The following SRSF3 variants were observed in gnomAD, a reference collection of about 807,000 sequenced individuals.
The protein encoded by SRSF3 is serine and arginine rich splicing factor 3.
For missense variants in SRSF3, 58 were observed against 217.1 expected, an observed-to-expected ratio of 0.27 and a Z score of 4.61; for synonymous variants, 87 against 73.6, an observed-to-expected ratio of 1.18 and a Z score of -0.93.
At chr6:36,601,597 G>C (rs1277706725) in intron 4 of SRSF3, 111 bp from the exon 5 acceptor site, 2 of 1,044,808 alleles carry the variant, frequency 1.9e-6, no homozygotes, top group Non-Finnish European at 2.8e-6. Context: ...TCCTGCCTCT[G>C]CCTCCCAAAA....
Position 36,600,433 on chromosome 6 carries a change from C to T in SRSF3, c.342-719C>T, listed in dbSNP as rs77169332. The T allele has an allele frequency of 2.1e-3, 583 of 281,500 alleles. 1 individual carries two copies. Among genetic ancestry groups the T allele is most frequent in the Admixed American group, 4.4e-3 (69 of 15,558 alleles). 17.4% of individuals were successfully genotyped at this position (281,500 alleles called of 1,614,324 possible). On this transcript the variant is annotated intron_variant, in intron 3 of 5. Coordinates refer to ENST00000373715, the MANE Select transcript of SRSF3 (RefSeq NM_003017.5). ...AAACTTTTAAGGGTGATAGGGAACT[C>T]GTAATGTAACTAGGCCTTCAAGTGA... is the stretch of plus-strand genomic sequence containing the variant.
chr6:36,595,537 T>C (rs1778612688), intron 1 of SRSF3, among the ~76,000 whole-genome samples: 1 of 152,224 alleles, frequency 6.6e-6, no homozygotes, highest in Admixed American at 6.5e-5. Flanking sequence ...CAACCACTAA[T>C]CTTCCTGTCT....
chr6:36,595,750 T>TG (rs1444422995), intron 1 of SRSF3, among the ~76,000 whole-genome samples: 1 of 152,188 alleles, frequency 6.6e-6, no homozygotes, highest in Non-Finnish European at 1.5e-5. Context: ...TTAACATCTT[T>TG]GGGCTACTGT....
chr6:36,599,523 T>A (rs1449947487), intron 3 of SRSF3: 1 of 209,414 alleles, frequency 4.8e-6, no homozygotes, highest in Non-Finnish European at 1.0e-5. Flanking sequence ...TTTTTATAAT[T>A]GAAAATGGCA....
At position 36,604,593 on chromosome 6, in the gene SRSF3, A is replaced by G. The variant is rs1778780954; in HGVS notation, c.*2604A>G. On this transcript the variant is annotated 3_prime_UTR_variant, in exon 6 of 6. Transcript: ENST00000373715. ...CCATTTGAGTATCTTAGAGATCCTT[A>G]CAAACGTGATCCCGTCAGCGTCCAT... 5.8e-6 allele frequency: 1 copy of G among 172,050 alleles called. No homozygotes were observed. Among genetic ancestry groups the G allele is most frequent in the African/African-American group, 2.4e-5 (1 of 42,036 alleles). The allele number at this position is 172,050 out of a possible 1,614,324, so 10.7% of individuals were successfully genotyped here. A position where few individuals can be genotyped will look rare whatever the true frequency, so the allele number is the denominator to read the frequency against.
rs778276944 is a variant in SRSF3 at position 36,601,940 on chromosome 6, CTTTT to C, written c.468-6_468-3del. ...AGTTACAGATGTAATGTTTTGTTTT[CTTTT>C]TTTTTTTTTTTTTTTAGTCGATCTA... is the stretch of plus-strand genomic sequence containing the variant. On this transcript the variant is annotated intron_variant, in intron 5 of 5. Coordinates refer to ENST00000373715, the MANE Select transcript of SRSF3 (RefSeq NM_003017.5). 1.2e-4 allele frequency: 178 copies of C among 1,431,896 alleles called. No homozygotes were observed. The highest frequency in any genetic ancestry group is 4.5e-4 in the Admixed American group (17 of 38,196). The allele number at this position is 1,431,896 out of a possible 1,614,324, so 88.7% of individuals were successfully genotyped here.
Position 36,605,247 on chromosome 6 carries a change from T to A in SRSF3, c.*3258T>A, listed in dbSNP as rs1778790507. ...GCTCATGCCTGTAATCCCGGTGCATTGGGAGGTTGAGGCAGGTGGATCACT... is the reference window on the plus strand; with the variant it reads ...GCTCATGCCTGTAATCCCGGTGCATAGGGAGGTTGAGGCAGGTGGATCACT... On this transcript the variant is annotated 3_prime_UTR_variant, in exon 6 of 6. Transcript: ENST00000373715. 6.6e-6 allele frequency: 1 copy of A among 152,176 alleles called. No individual in the cohort carries two copies. The highest frequency in any genetic ancestry group is 2.4e-5 in the African/African-American group (1 of 41,428). 9.4% of individuals were successfully genotyped at this position (152,176 alleles called of 1,614,324 possible). A position where few individuals can be genotyped will look rare whatever the true frequency, so the allele number is the denominator to read the frequency against.
intron 1 of SRSF3, 62 bp from the exon 2 acceptor site, chr6:36,596,699 G>A (rs2127504810): frequency 1.4e-6 from 2 of 1,452,972 alleles, no homozygotes; most frequent in East Asian, 2.3e-5. Flanking sequence ...TCTTTCTAAG[G>A]ATCTGTGGTT....
chr6:36,600,331 C>CT (rs1433066855), intron 3 of SRSF3: 1 of 956,312 alleles, frequency 1.0e-6, no homozygotes, highest in African/African-American at 1.8e-5. Context: ...GAGTAAGCGG[C>CT]TTAAAGTAAT....
chr6:36,594,894 C>T (rs572373823), intron 1 of SRSF3: 1 of 152,206 alleles, frequency 6.6e-6, no homozygotes, highest in Admixed American at 6.5e-5. Context: ...CCGTAGTCAC[C>T]TTACTTTCAT....
intron 3 of SRSF3, chr6:36,600,016 C>T (rs921932326): frequency 5.6e-6 from 7 of 1,252,532 alleles, no homozygotes; most frequent in African/African-American, 3.1e-5. Flanking sequence ...TCTCTCCAAC[C>T]TTAACCAAAT....
rs145969639 is a variant in SRSF3, at chr6:36,604,506, C to G, written c.*2517C>G. 1 of 179,158 alleles carries G rather than the reference C, an allele frequency of 5.6e-6. No individual in the cohort carries two copies. Among genetic ancestry groups the G allele is most frequent in the Non-Finnish European group, 1.2e-5 (1 of 83,656 alleles). 11.1% of individuals were successfully genotyped at this position (179,158 alleles called of 1,614,324 possible). On this transcript the variant is annotated 3_prime_UTR_variant, in exon 6 of 6. Transcript: ENST00000373715. ...GTTCATTGTGGGTTGCTTCTGACCT[C>G]CATGTCTTAAGCAGAAAGTAGGGAA...
rs568252617 is a variant in SRSF3, at chr6:36,596,651, C to T, written c.-2-110C>T. On this transcript the variant is annotated intron_variant, in intron 1 of 5. Coordinates refer to ENST00000373715, the MANE Select transcript of SRSF3 (RefSeq NM_003017.5). ...CATTTTTGTAATTTTTTTTTCTTTA[C>T]GTGCTACCTTAAACTCTCTTGTCCT... The T allele has an allele frequency of 2.0e-4, 173 of 877,952 alleles. No individual in the cohort carries two copies. In the African/African-American group the frequency reaches 2.3e-3, roughly 11 times the overall value. The allele number at this position is 877,952 out of a possible 1,614,324, so 54.4% of individuals were successfully genotyped here.
At chr6:36,601,241 C>T (rs1778711118) in intron 4 of SRSF3, 51 bp downstream of exon 4, 2 of 1,600,380 alleles carry the variant, frequency 1.2e-6, no homozygotes, top group Non-Finnish European at 1.7e-6. Context: ...AGTGTTTCTG[C>T]TATTCCTAAA....
chr6:36,594,516 A>G (rs1778591328), intron 1 of SRSF3, 35 bp downstream of exon 1: 1 of 152,306 alleles, frequency 6.6e-6, no homozygotes, highest in Admixed American at 6.5e-5. Flanking sequence ...TGAGGTGGAA[A>G]TGGAATTTAA....
At chr6:36,597,606 C>T (rs1353021578) in intron 2 of SRSF3, among the ~76,000 whole-genome samples, 1 of 152,042 alleles carries the variant, frequency 6.6e-6, no homozygotes, top group South Asian at 2.1e-4. Context: ...TCCATGCCCC[C>T]ACCCCCCTTT....
intron 2 of SRSF3, chr6:36,598,487 G>A: frequency 5.2e-6 from 1 of 193,194 alleles, no homozygotes; most frequent in Non-Finnish European, 1.1e-5. Flanking sequence ...GGGTTCAAGT[G>A]ATTCTCCTGC....
At chr6:36,600,263 GA>G (rs2127506070) in intron 3 of SRSF3, 1 of 1,044,048 alleles carries the variant, frequency 9.6e-7, no homozygotes, top group Admixed American at 4.9e-5. Flanking sequence ...CTAGCTTGTT[GA>G]AACCCAAAAC....
At chr6:36,598,787 T>G in intron 2 of SRSF3, 62 bp from the exon 3 acceptor site, 1 of 1,582,874 alleles carries the variant, frequency 6.3e-7, no homozygotes, top group South Asian at 1.1e-5. Context: ...AGAGTACTTT[T>G]GGCTTTAATA....
Sources: allele counts gnomAD v4.1 joint callset (sites outside exome capture counted in the v4.1 genomes callset), GRCh38; gene constraint gnomAD v4.1.1; transcripts MANE v1.5; gene names NCBI Gene and HGNC (gene_info 2026-07-23, HGNC 2026-07-21).